DCAF10: variants seen among roughly 807,000 people sequenced by gnomAD.
DCAF10 encodes DDB1 and CUL4 associated factor 10, also known as DDB1- and CUL4-associated factor 10.
DCAF10 carries 19 observed loss-of-function variants against 51.9 expected under a neutral mutation model. The observed-to-expected ratio is 0.37, with a 90% CI of 0.26 to 0.54. The LOEUF is 0.54. Ranked by LOEUF, DCAF10 falls within the 20% of genes least tolerant of loss-of-function variation. The probability of loss-of-function intolerance (pLI) is 0.87; values close to 1 mark genes in which losing one functional copy is unlikely to be tolerated. For synonymous variants in DCAF10, 291 were observed against 297.1 expected, an observed-to-expected ratio of 0.98 and a Z score of 0.21; for missense variants, 510 against 730.6, an observed-to-expected ratio of 0.70 and a Z score of 3.48.
At chr9:37,841,535 A>G (rs1238853075) in intron 2 of DCAF10, among the ~76,000 whole-genome samples, 1 of 152,194 alleles carries the variant, frequency 6.6e-6, no homozygotes, top group Non-Finnish European at 1.5e-5. Flanking sequence ...GTCCTAATAA[A>G]ATGTTGCTAA....
intron 1 of DCAF10, among the ~76,000 whole-genome samples, chr9:37,817,156 C>T (rs1829566113): frequency 1.3e-5 from 2 of 151,968 alleles, no homozygotes; most frequent in Admixed American, 1.3e-4. Flanking sequence ...TGTGTACCAG[C>T]AATAAACAAA....
At chr9:37,851,792 T>A (rs1202969474) in intron 3 of DCAF10, among the ~76,000 whole-genome samples, 8 of 95,948 alleles carry the variant, frequency 8.3e-5, no homozygotes, top group African/African-American at 2.2e-4. Flanking sequence ...TGTCTCAAAA[T>A]AAATAAATAA....
intron 2 of DCAF10, among the ~76,000 whole-genome samples, chr9:37,827,326 A>AT (rs753678148): frequency 3.3e-5 from 5 of 152,174 alleles, no homozygotes; most frequent in African/African-American, 4.8e-5. Context: ...TAAAAGTATG[A>AT]TTAACTCCAC....
intron 4 of DCAF10, among the ~76,000 whole-genome samples, chr9:37,855,452 A>C (rs1830818903): frequency 1.3e-5 from 2 of 152,166 alleles, no homozygotes; most frequent in African/African-American, 4.8e-5. Flanking sequence ...ATTACTCTCT[A>C]AACGCTCTTT....
intron 3 of DCAF10, among the ~76,000 whole-genome samples, chr9:37,854,319 G>A (rs1289703534): frequency 7.9e-5 from 12 of 152,016 alleles, no homozygotes; most frequent in Non-Finnish European, 1.8e-4. Context: ...TCTTGCCCAG[G>A]ATGGTCTTGA....
At chr9:37,809,425 A>G (rs1829261450) in intron 1 of DCAF10, among the ~76,000 whole-genome samples, 1 of 152,076 alleles carries the variant, frequency 6.6e-6, no homozygotes, top group Non-Finnish European at 1.5e-5. Flanking sequence ...AATTAGTGAA[A>G]TTTTAAAAAC....
At chr9:37,816,659 G>GGGGTGTGTGTGTGTGTGTGTGTGTGT (rs372664140) in intron 1 of DCAF10, among the ~76,000 whole-genome samples, 43 of 144,978 alleles carry the variant, frequency 3.0e-4, no homozygotes, top group Non-Finnish European at 4.1e-4. Flanking sequence ...CTGCACCTGG[G>GGGGTGTGTGTGTGTGTGTGTGTGTGT]GTGTGTGTGT....
At chr9:37,824,570 A>T (rs1829799933) in intron 2 of DCAF10, among the ~76,000 whole-genome samples, 1 of 152,076 alleles carries the variant, frequency 6.6e-6, no homozygotes, top group African/African-American at 2.4e-5. Context: ...AAAAAAATTT[A>T]AATGAAGAAA....
intron 2 of DCAF10, among the ~76,000 whole-genome samples, chr9:37,824,710 T>C (rs1030071295): frequency 2.6e-5 from 4 of 152,180 alleles, no homozygotes; most frequent in South Asian, 2.1e-4. Flanking sequence ...AAATTATTTA[T>C]CTGTTGCTCT....
chr9:37,846,647 G>A (rs1036118871), intron 3 of DCAF10, among the ~76,000 whole-genome samples: 1 of 152,032 alleles, frequency 6.6e-6, no homozygotes, highest in African/African-American at 2.4e-5. Flanking sequence ...AGTAGAGACA[G>A]GGTTTCACCA....
chr9:37,811,293 C>T (rs1829340062), intron 1 of DCAF10, among the ~76,000 whole-genome samples: 1 of 115,972 alleles, frequency 8.6e-6, no homozygotes, highest in Non-Finnish European at 2.1e-5. Context: ...AATCACATCA[C>T]TACACTTCAG....
chr9:37,828,041 C>T (rs939139475), intron 2 of DCAF10, among the ~76,000 whole-genome samples: 10 of 151,934 alleles, frequency 6.6e-5, no homozygotes, highest in African/African-American at 2.4e-4. Flanking sequence ...GTGGCACCAC[C>T]CCTGGCTATT....
At chr9:37,823,579 G>T (rs1389424184) in intron 2 of DCAF10, among the ~76,000 whole-genome samples, 1 of 146,438 alleles carries the variant, frequency 6.8e-6, no homozygotes, top group Non-Finnish European at 1.5e-5. Flanking sequence ...TAAGAGAAAA[G>T]AATTTAGGAG....
Position 37,801,774 on chromosome 9 carries a change from G to T in DCAF10, c.539+369G>T, listed in dbSNP as rs945721282. Among the ~76,000 whole-genome samples the T allele has an allele frequency of 6.6e-6, 1 of 152,156 alleles. No individual in the cohort carries two copies. The highest frequency in any genetic ancestry group is 1.5e-5 in the Non-Finnish European group (1 of 68,032). On this transcript the variant is annotated intron_variant, in intron 1 of 6. Coordinates refer to ENST00000377724, the MANE Select transcript of DCAF10 (RefSeq NM_024345.5). This position sits in a 1 kb window ranked among gnomAD's most constrained non-coding sequence, Gnocchi z 5.5. ...GCCCGCTTTCTCCCCATCATCCTAGGCTCGCGTTTTCCTACCTAAACCTGT... is the reference window on the plus strand; with the variant it reads ...GCCCGCTTTCTCCCCATCATCCTAGTCTCGCGTTTTCCTACCTAAACCTGT...
chr9:37,864,614 A>C lies in DCAF10; in HGVS notation c.*3106A>C, dbSNP rs1039982493. ...AAAAAAAAAAAATAAAATAAAATAA[A>C]ATTAGTTTTGGAGGTGAAAACACCC... On this transcript the variant is annotated 3_prime_UTR_variant, in exon 7 of 7. Transcript: ENST00000377724. 7 of 151,962 alleles carry C rather than the reference A, an allele frequency of 4.6e-5. No homozygotes were observed. Among genetic ancestry groups the C allele is most frequent in the African/African-American group, 1.7e-4 (7 of 41,390 alleles). 9.4% of individuals were successfully genotyped at this position (151,962 alleles called of 1,614,324 possible). A position where few individuals can be genotyped will look rare whatever the true frequency, so the allele number is the denominator to read the frequency against.
chr9:37,801,489 C>G lies in DCAF10; in HGVS notation c.539+84C>G, dbSNP rs946984942. 15 of 1,328,944 alleles carry G rather than the reference C, an allele frequency of 1.1e-5. No homozygotes were observed. The African/African-American group carries it at 2.0e-4, about 18-fold the overall frequency. 82.3% of individuals were successfully genotyped at this position (1,328,944 alleles called of 1,614,324 possible). A position where few individuals can be genotyped will look rare whatever the true frequency, so the allele number is the denominator to read the frequency against. Reference sequence around the variant, plus strand: ...ACGGCCGTCCTGGGCTCGCTCCCCGCGCCCGGGCCGAGGTTAGCGAGGCCG... The same window carrying G: ...ACGGCCGTCCTGGGCTCGCTCCCCGGGCCCGGGCCGAGGTTAGCGAGGCCG... On this transcript the variant is annotated intron_variant, in intron 1 of 6. Transcript: ENST00000377724. The surrounding 1 kb of genome is among the most constrained non-coding windows in gnomAD (Gnocchi z 5.5).
At chr9:37,847,220 C>G (rs944374943) in intron 3 of DCAF10, among the ~76,000 whole-genome samples, 2 of 142,186 alleles carry the variant, frequency 1.4e-5, no homozygotes, top group African/African-American at 5.3e-5. Context: ...ACCATTGCAC[C>G]CCAGCCTGGG....
rs764459431 is a variant in DCAF10, at chr9:37,801,283, C to T, written c.417C>T (p.Asp139=). 6.3e-7 allele frequency: 1 copy of T among 1,596,310 alleles called. No homozygotes were observed. Among genetic ancestry groups the T allele is most frequent in the South Asian group, 1.1e-5 (1 of 88,228 alleles). ...ERSLGRGLFV[D]PARDNFRTMT... is the part of the protein sequence containing the mutation. ...GCCTGGGCCGCGGGCTGTTCGTGGA[C>T]CCGGCGCGGGACAATTTTCGCACCA... The change falls in exon 1 of 7, where the codon GAC becomes GAT. Residue 139 remains aspartate (D), a synonymous_variant. Coordinates refer to ENST00000377724, the MANE Select transcript of DCAF10 (RefSeq NM_024345.5). The surrounding 1 kb of genome is among the most constrained non-coding windows in gnomAD (Gnocchi z 5.5).
chr9:37,842,756 C>T (rs530790829), intron 3 of DCAF10, among the ~76,000 whole-genome samples: 55 of 152,302 alleles, frequency 3.6e-4, no homozygotes, highest in African/African-American at 1.3e-3. Context: ...GGGAAGAGAA[C>T]TATCTACTAG....
Sources: allele counts gnomAD v4.1 joint callset (sites outside exome capture counted in the v4.1 genomes callset), GRCh38; gene constraint gnomAD v4.1.1; non-coding constraint Gnocchi (gnomAD v3.1); transcripts MANE v1.5; gene names NCBI Gene and HGNC (gene_info 2026-07-23, HGNC 2026-07-21).